ADAM10: variants seen among roughly 807,000 people sequenced by gnomAD.
ADAM10 encodes disintegrin and metalloproteinase domain-containing protein 10.
A neutral mutation model predicts 90.1 loss-of-function variants in ADAM10; 17 were observed. That is an observed-to-expected ratio of 0.19 (90% CI 0.13 to 0.28). The LOEUF (loss-of-function observed/expected upper bound fraction) is 0.28. ADAM10 is among the 10% of genes least tolerant of loss of function. The pLI, the probability that ADAM10 is intolerant of heterozygous loss-of-function variation, is 1.00. For missense variants in ADAM10, 610 were observed against 914.3 expected (o/e 0.67, Z 4.29); for synonymous variants, 310 against 298.6 (o/e 1.04, Z -0.40).
At chr15:58,714,180 T>C (rs1264760912) in intron 2 of ADAM10, among the ~76,000 whole-genome samples, 1 of 152,286 alleles carries the variant, frequency 6.6e-6, no homozygotes, top group East Asian at 1.9e-4. Context: ...TCTGTAAACA[T>C]GGCATATAAT....
At chr15:58,605,017 G>A (rs1170502955) in intron 14 of ADAM10, among the ~76,000 whole-genome samples, 2 of 152,162 alleles carry the variant, frequency 1.3e-5, no homozygotes, top group African/African-American at 4.8e-5. Context: ...TAAGATTAAA[G>A]GTATAAGCTA....
chr15:58,636,319 T>C (rs1896250569), intron 8 of ADAM10, among the ~76,000 whole-genome samples: 1 of 151,670 alleles, frequency 6.6e-6, no homozygotes, highest in African/African-American at 2.4e-5. Flanking sequence ...TGCAGGCTAA[T>C]AGCATATGTT....
At chr15:58,726,135 C>T (rs1306027559) in intron 1 of ADAM10, among the ~76,000 whole-genome samples, 2 of 151,946 alleles carry the variant, frequency 1.3e-5, no homozygotes, top group Admixed American at 6.6e-5. Flanking sequence ...ACAATAACAG[C>T]ACAACAGAAA....
At chr15:58,673,215 GC>G (rs1897238376) in intron 4 of ADAM10, among the ~76,000 whole-genome samples, 1 of 152,048 alleles carries the variant, frequency 6.6e-6, no homozygotes, top group Non-Finnish European at 1.5e-5. Context: ...CACTAACTTT[GC>G]CTGAAACAGT....
At chr15:58,680,811 T>TTTTTG (rs1443250918) in intron 3 of ADAM10, among the ~76,000 whole-genome samples, 3 of 152,172 alleles carry the variant, frequency 2.0e-5, no homozygotes, top group African/African-American at 2.4e-5. Context: ...TATTTGGAGT[T>TTTTTG]TTTTGTTTTG....
At chr15:58,616,690 T>A (rs1488616989) in intron 11 of ADAM10, among the ~76,000 whole-genome samples, 7 of 151,886 alleles carry the variant, frequency 4.6e-5, no homozygotes, top group Non-Finnish European at 5.9e-5. Context: ...AGTAGAAAGA[T>A]AAACAACCTA....
At chr15:58,640,642 T>G in intron 8 of ADAM10, 135 bp downstream of exon 8, 1 of 841,376 alleles carries the variant, frequency 1.2e-6, no homozygotes, top group Non-Finnish European at 1.9e-6. Flanking sequence ...TTATGAGTCT[T>G]GCCTAACTCA....
intron 5 of ADAM10, among the ~76,000 whole-genome samples, chr15:58,657,946 T>C (rs1012382781): frequency 4.0e-5 from 6 of 151,830 alleles, no homozygotes; most frequent in Non-Finnish European, 7.4e-5. Context: ...GAAAAAAGCC[T>C]TTTATCAGAG....
At chr15:58,644,624 G>A (rs1357602244) in intron 6 of ADAM10, among the ~76,000 whole-genome samples, 1 of 152,094 alleles carries the variant, frequency 6.6e-6, no homozygotes, top group Non-Finnish European at 1.5e-5. Context: ...TATTTCCTAT[G>A]CGTAGAGTAT....
chr15:58,680,383 A>G (rs112919523), intron 3 of ADAM10, among the ~76,000 whole-genome samples: 1 of 152,146 alleles, frequency 6.6e-6, no homozygotes, highest in African/African-American at 2.4e-5. Flanking sequence ...TCGGCCTCCT[A>G]AAGTGCTGGG....
chr15:58,728,418 C>T (rs918724878), intron 1 of ADAM10, among the ~76,000 whole-genome samples: 60 of 151,816 alleles, frequency 4.0e-4, no homozygotes, highest in African/African-American at 1.4e-3. Context: ...GTAAACTATA[C>T]CTCAATAAAG....
intron 1 of ADAM10, 82 bp downstream of exon 1, chr15:58,749,398 C>G: frequency 7.7e-7 from 1 of 1,306,008 alleles, no homozygotes; most frequent in Non-Finnish European, 9.7e-7. Flanking sequence ...GCGCACGCCG[C>G]GAGGCGCGAC....
At chr15:58,620,040 A>T (rs943627013) in intron 11 of ADAM10, among the ~76,000 whole-genome samples, 4 of 152,190 alleles carry the variant, frequency 2.6e-5, no homozygotes, top group Non-Finnish European at 4.4e-5. Context: ...AAAAGGCTAC[A>T]ATGGAAAATG....
At chr15:58,660,772 G>C (rs1896947736) in intron 5 of ADAM10, among the ~76,000 whole-genome samples, 1 of 152,014 alleles carries the variant, frequency 6.6e-6, no homozygotes, top group Non-Finnish European at 1.5e-5. Context: ...GTTGCTCCAA[G>C]GGCAGAGGAA....
At chr15:58,660,973 C>T (rs561847731) in intron 5 of ADAM10, among the ~76,000 whole-genome samples, 1 of 152,268 alleles carries the variant, frequency 6.6e-6, no homozygotes, top group Admixed American at 6.5e-5. Context: ...ATCTGGCCCA[C>T]AGGCCGTAGT....
At chr15:58,670,001 G>A (rs1434120775) in intron 4 of ADAM10, among the ~76,000 whole-genome samples, 5 of 151,964 alleles carry the variant, frequency 3.3e-5, no homozygotes, top group Non-Finnish European at 7.4e-5. Flanking sequence ...TGGGGGTGAT[G>A]GGCATGTTTA....
At chr15:58,691,565 G>A (rs1347565846) in intron 2 of ADAM10, 1 of 511,298 alleles carries the variant, frequency 2.0e-6, no homozygotes, top group Non-Finnish European at 3.8e-6. Flanking sequence ...AGTTAATAGA[G>A]TCCTCATGGA....
At chr15:58,603,518 G>A (rs1348823319) in intron 14 of ADAM10, among the ~76,000 whole-genome samples, 1 of 152,144 alleles carries the variant, frequency 6.6e-6, no homozygotes, top group African/African-American at 2.4e-5. Context: ...GTTGGGTACA[G>A]GAGACACACT....
At chr15:58,735,879 G>C (rs1181725338) in intron 1 of ADAM10, among the ~76,000 whole-genome samples, 1 of 152,108 alleles carries the variant, frequency 6.6e-6, no homozygotes, top group Non-Finnish European at 1.5e-5. Context: ...AACTGAAATG[G>C]TTTTATACAT....
Sources: allele counts gnomAD v4.1 joint callset (sites outside exome capture counted in the v4.1 genomes callset), GRCh38; gene constraint gnomAD v4.1.1; transcripts MANE v1.5; gene names NCBI Gene and HGNC (gene_info 2026-07-23, HGNC 2026-07-21).